ASB18: variants seen among roughly 807,000 people sequenced by gnomAD.
ASB18 encodes the protein ankyrin repeat and SOCS box containing 18, also known as ankyrin repeat and SOCS box protein 18.
A neutral mutation model predicts 33.4 loss-of-function variants in ASB18; 33 were observed. That is an observed-to-expected ratio of 0.99 (90% CI 0.75 to 1.32). The LOEUF (loss-of-function observed/expected upper bound fraction) is 1.32, where lower values mean the gene tolerates loss of function less well. ASB18 is among the 40% of genes most tolerant of loss of function. ASB18 has a pLI of 0.00. For synonymous variants in ASB18, 295 were observed against 307.6 expected, an observed-to-expected ratio of 0.96 and a Z score of 0.43; for missense variants, 694 against 655.5, an observed-to-expected ratio of 1.06 and a Z score of -0.64.
rs2060732344 is a variant in ASB18 at position 236,263,938 on chromosome 2, G to T, written c.205+203C>A. On this transcript the variant is annotated intron_variant, in intron 1 of 5. Transcript: ENST00000409749. This position sits in a 1 kb window ranked among gnomAD's most constrained non-coding sequence, Gnocchi z 4.0. ...GTGGTAGGATTAGTTTTTTTGTGTTGTGTTGCACTTGTTGCTTATGTCGCA... is the reference window on the plus strand; with the variant it reads ...GTGGTAGGATTAGTTTTTTTGTGTTTTGTTGCACTTGTTGCTTATGTCGCA... Among the ~76,000 whole-genome samples the T allele has an allele frequency of 1.3e-5, 2 of 152,164 alleles. No individual in the cohort carries two copies. Among genetic ancestry groups the T allele is most frequent in the African/African-American group, 4.8e-5 (2 of 41,420 alleles).
In ASB18 at chr2:236,237,559, G is replaced by T. The variant is rs2060600315; in HGVS notation, c.596+130C>A. On this transcript the variant is annotated intron_variant, in intron 3 of 5. Coordinates refer to ENST00000409749, the MANE Select transcript of ASB18 (RefSeq NM_212556.4). This position sits in a 1 kb window ranked among gnomAD's most constrained non-coding sequence, Gnocchi z 6.2. ...TGGGGATCCAGTGGGCAGAGTCAAG[G>T]GTGCAGGGTCTGGGTCCGGAGGCGG... is the stretch of plus-strand genomic sequence containing the variant. The T allele has an allele frequency of 2.9e-6, 2 of 686,266 alleles. No homozygotes were observed. The highest frequency in any genetic ancestry group is 4.2e-6 in the Non-Finnish European group (2 of 470,630). The allele number at this position is 686,266 out of a possible 1,614,324, so 42.5% of individuals were successfully genotyped here.
At chr2:236,240,686 C>G (rs1467157179) in intron 2 of ASB18, among the ~76,000 whole-genome samples, 3 of 152,168 alleles carry the variant, frequency 2.0e-5, no homozygotes, top group Non-Finnish European at 2.9e-5. Context: ...GCTTGTCCGC[C>G]CAGCGCACAG....
chr2:236,195,247 A>C lies in ASB18; in HGVS notation c.1216-190T>G, dbSNP rs758168685. 1.3e-5 allele frequency among the ~76,000 whole-genome samples: 2 copies of C among 152,204 alleles called. No homozygotes were observed. The highest frequency in any genetic ancestry group is 2.9e-5 in the Non-Finnish European group (2 of 68,036). ...CCCAGGGGCTTGTGTGCTCTCCCAA[A>C]GCACAGTTCCTGCCGAGTGAGAGGG... On this transcript the variant is annotated intron_variant, in intron 5 of 5. Coordinates refer to ENST00000409749, the MANE Select transcript of ASB18 (RefSeq NM_212556.4). The surrounding 1 kb of genome is among the most constrained non-coding windows in gnomAD (Gnocchi z 5.5).
In ASB18 at chr2:236,221,476, A is replaced by G. The variant is rs2060513018; in HGVS notation, c.597-6610T>C. On this transcript the variant is annotated intron_variant, in intron 3 of 5. Transcript: ENST00000409749. The surrounding 1 kb of genome is among the most constrained non-coding windows in gnomAD (Gnocchi z 5.6). ...GAATCATGGGGGTGGTTTCCTTCAT[A>G]CTGTTCTCTTGGTAGTGAATAAGTC... is the stretch of plus-strand genomic sequence containing the variant. 6.6e-6 allele frequency among the ~76,000 whole-genome samples: 1 copy of G among 152,054 alleles called. No homozygotes were observed. Among genetic ancestry groups the G allele is most frequent in the African/African-American group, 2.4e-5 (1 of 41,398 alleles).
chr2:236,242,289 T>C (rs2060624594), intron 1 of ASB18, among the ~76,000 whole-genome samples: 1 of 152,134 alleles, frequency 6.6e-6, no homozygotes, highest in African/African-American at 2.4e-5. Context: ...GGGCCAGCAC[T>C]GTCAGGAGCC....
chr2:236,211,253 C>T lies in ASB18; in HGVS notation c.1101+3109G>A, dbSNP rs1000718488. 5.9e-5 allele frequency among the ~76,000 whole-genome samples: 9 copies of T among 152,220 alleles called. No homozygotes were observed. Among genetic ancestry groups the T allele is most frequent in the Admixed American group, 2.0e-4 (3 of 15,286 alleles). ...ACCTGCCAGAATCCACAGCCTGCCC[C>T]CTATGCCTGCCCTCGGTGCCCTGTC... On this transcript the variant is annotated intron_variant, in intron 4 of 5. Transcript: ENST00000409749. The surrounding 1 kb of genome is among the most constrained non-coding windows in gnomAD (Gnocchi z 5.0).
intron 3 of ASB18, among the ~76,000 whole-genome samples, chr2:236,236,729 ACATCCAGGCAACTTTG>A (rs1294460324): frequency 2.6e-5 from 4 of 152,256 alleles, no homozygotes; most frequent in Admixed American, 1.3e-4. Flanking sequence ...GCTGGGCAGG[ACATCCAGGCAACTTTG>A]ACAGTCGGTG....
At position 236,214,565 on chromosome 2, in the gene ASB18, C is replaced by T. The variant is rs760008402; in HGVS notation, c.898G>A (p.Ala300Thr). ...DEDERSPLHK[A>T]CGHASHSLAR... is the part of the protein sequence containing the mutation. ...AGGCTGTGGCTCGCGTGGCCGCAGGCTTTGTGCAGCGGGCTGCGCTCGTCC... is the reference window on the plus strand; with the variant it reads ...AGGCTGTGGCTCGCGTGGCCGCAGGTTTTGTGCAGCGGGCTGCGCTCGTCC... The change falls in exon 4 of 6, where the codon GCC becomes ACC. Residue 300 changes from alanine to threonine, a missense_variant. Ala to Thr is a moderately conservative substitution (Grantham distance 58). Transcript: ENST00000409749. The surrounding 1 kb of genome is among the most constrained non-coding windows in gnomAD (Gnocchi z 6.5). The T allele has an allele frequency of 1.4e-6, 2 of 1,383,144 alleles. No homozygotes were observed. The highest frequency in any genetic ancestry group is 3.3e-5 in the South Asian group (2 of 61,116). The allele number at this position is 1,383,144 out of a possible 1,614,324, so 85.7% of individuals were successfully genotyped here. A position where few individuals can be genotyped will look rare whatever the true frequency, so the allele number is the denominator to read the frequency against.
rs201561266 is a variant in ASB18 at position 236,262,883 on chromosome 2, A to AGG, written c.205+1256_205+1257dup. Reference sequence around the variant, plus strand: ...CAGCCCAGAAAGTAGACCCAAACCAAGGGGGGGGGGCGGACCCCCTCGGAA... The same window carrying AGG: ...CAGCCCAGAAAGTAGACCCAAACCAAGGGGGGGGGGGGCGGACCCCCTCGGAA... On this transcript the variant is annotated intron_variant, in intron 1 of 5. Transcript: ENST00000409749. This position sits in a 1 kb window ranked among gnomAD's most constrained non-coding sequence, Gnocchi z 5.2. Among the ~76,000 whole-genome samples the AGG allele has an allele frequency of 1.1e-4, 5 of 46,956 alleles. No individual in the cohort carries two copies. The highest frequency in any genetic ancestry group is 2.9e-4 in the African/African-American group (4 of 13,788). 30.8% of individuals were successfully genotyped at this position (46,956 alleles called of 152,430 possible). A position where few individuals can be genotyped will look rare whatever the true frequency, so the allele number is the denominator to read the frequency against.
At position 236,203,073 on chromosome 2, in the gene ASB18, G is replaced by T. The variant is rs1205482853; in HGVS notation, c.1102-6688C>A. ...TGTCCCTGTTATAGCTGGGTTGTATGCTCACCACCTGTCCTTTAAGCCATC... is the reference window on the plus strand; with the variant it reads ...TGTCCCTGTTATAGCTGGGTTGTATTCTCACCACCTGTCCTTTAAGCCATC... On this transcript the variant is annotated intron_variant, in intron 4 of 5. Coordinates refer to ENST00000409749, the MANE Select transcript of ASB18 (RefSeq NM_212556.4). This position sits in a 1 kb window ranked among gnomAD's most constrained non-coding sequence, Gnocchi z 6.0. 6.6e-6 allele frequency among the ~76,000 whole-genome samples: 1 copy of T among 152,078 alleles called. No individual in the cohort carries two copies. The highest frequency in any genetic ancestry group is 2.4e-5 in the African/African-American group (1 of 41,392).
In ASB18 at chr2:236,214,397, C is replaced by A; in HGVS notation, c.1066G>T (p.Gly356Cys). Residue 356 changes from glycine to cysteine, a missense_variant, in exon 4 of 6, where the codon GGC (glycine) becomes TGC (cysteine). Physicochemically the swap from Gly to Cys is radical, Grantham distance 159. Coordinates refer to ENST00000409749, the MANE Select transcript of ASB18 (RefSeq NM_212556.4). This position sits in a 1 kb window ranked among gnomAD's most constrained non-coding sequence, Gnocchi z 6.5. Reference sequence around the variant, plus strand: ...GCGTCGGGCCACACGGTGGGAGAGCCGTGGTTGAGCAGCGCCTGCACCGTG... The same window carrying A: ...GCGTCGGGCCACACGGTGGGAGAGCAGTGGTTGAGCAGCGCCTGCACCGTG... ...QRTVQALLNH[G>C]SPTVWPDAFP... 1 of 1,575,788 alleles carries A rather than the reference C, an allele frequency of 6.3e-7. No individual in the cohort carries two copies. The highest frequency in any genetic ancestry group is 8.6e-7 in the Non-Finnish European group (1 of 1,166,382).
Position 236,237,626 on chromosome 2 carries a change from G to A in ASB18, c.596+63C>T, listed in dbSNP as rs944848953. 3.1e-6 allele frequency: 4 copies of A among 1,291,972 alleles called. No homozygotes were observed. The African/African-American group carries it at 6.3e-5, about 20-fold the overall frequency. 80.0% of individuals were successfully genotyped at this position (1,291,972 alleles called of 1,614,324 possible). ...GGAGGCGGGGTCGGCGGTCTCGTGGGGGGAGGCGGGCGTCTGGTCTCGGGG... is the reference window on the plus strand; with the variant it reads ...GGAGGCGGGGTCGGCGGTCTCGTGGAGGGAGGCGGGCGTCTGGTCTCGGGG... On this transcript the variant is annotated intron_variant, in intron 3 of 5. Transcript: ENST00000409749. This position sits in a 1 kb window ranked among gnomAD's most constrained non-coding sequence, Gnocchi z 6.2.
In ASB18 at chr2:236,225,536, A is replaced by G. The variant is rs1482396452; in HGVS notation, c.597-10670T>C. The stretch of plus-strand genomic sequence containing the variant: ...CACTTTTGTTTAAATCGAGACAGCT[A>G]TAGACAAGAAAAAGAATAGGGCGTC... On this transcript the variant is annotated intron_variant, in intron 3 of 5. Transcript: ENST00000409749. This position sits in a 1 kb window ranked among gnomAD's most constrained non-coding sequence, Gnocchi z 5.1. 6.6e-6 allele frequency among the ~76,000 whole-genome samples: 1 copy of G among 152,216 alleles called. No individual in the cohort carries two copies. Among genetic ancestry groups the G allele is most frequent in the African/African-American group, 2.4e-5 (1 of 41,452 alleles).
At position 236,225,005 on chromosome 2, in the gene ASB18, C is replaced by T. The variant is rs534874964; in HGVS notation, c.597-10139G>A. Among the ~76,000 whole-genome samples, 108 of 152,336 alleles carry T rather than the reference C, an allele frequency of 7.1e-4. No homozygotes were observed. The highest frequency in any genetic ancestry group is 1.3e-3 in the Non-Finnish European group (91 of 68,030). On this transcript the variant is annotated intron_variant, in intron 3 of 5. Transcript: ENST00000409749. The surrounding 1 kb of genome is among the most constrained non-coding windows in gnomAD (Gnocchi z 5.1). The stretch of plus-strand genomic sequence containing the variant: ...TGGATTATGTATCAATGCCTGTGAG[C>T]CTGGCATCTCAGGCAGGTGAACTTC...
At position 236,220,436 on chromosome 2, in the gene ASB18, C is replaced by G. The variant is rs2060505527; in HGVS notation, c.597-5570G>C. On this transcript the variant is annotated intron_variant, in intron 3 of 5. Transcript: ENST00000409749. The surrounding 1 kb of genome is among the most constrained non-coding windows in gnomAD (Gnocchi z 5.1). ...TCTCAGCCAGAGCCTGTCCAGGCTTCCACTCTCTCGTCTCCCCTGCCTCCT... is the reference window on the plus strand; with the variant it reads ...TCTCAGCCAGAGCCTGTCCAGGCTTGCACTCTCTCGTCTCCCCTGCCTCCT... 6.6e-6 allele frequency among the ~76,000 whole-genome samples: 1 copy of G among 152,206 alleles called. No individual in the cohort carries two copies. Among genetic ancestry groups the G allele is most frequent in the African/African-American group, 2.4e-5 (1 of 41,448 alleles).
intron 4 of ASB18, among the ~76,000 whole-genome samples, chr2:236,198,110 C>T (rs1465249992): frequency 6.6e-6 from 1 of 152,162 alleles, no homozygotes; most frequent in Non-Finnish European, 1.5e-5. Flanking sequence ...ATGGAGGCTG[C>T]TCACTTCACA....
At chr2:236,201,721 T>C (rs1450600770) in intron 4 of ASB18, among the ~76,000 whole-genome samples, 6 of 151,876 alleles carry the variant, frequency 4.0e-5, no homozygotes, top group Non-Finnish European at 5.9e-5. Context: ...TGGTCTGTGA[T>C]AGATATGAAT....
rs567192204 is a variant in ASB18 at position 236,241,511 on chromosome 2, G to C, written c.206-109C>G. The C allele has an allele frequency of 1.8e-5, 24 of 1,348,770 alleles. No individual in the cohort carries two copies. The South Asian group carries it at 2.9e-4, about 17-fold the overall frequency. 83.6% of individuals were successfully genotyped at this position (1,348,770 alleles called of 1,614,324 possible). A position where few individuals can be genotyped will look rare whatever the true frequency, so the allele number is the denominator to read the frequency against. On this transcript the variant is annotated intron_variant, in intron 1 of 5. Transcript: ENST00000409749. The surrounding 1 kb of genome is among the most constrained non-coding windows in gnomAD (Gnocchi z 4.2). ...AGTTTTCCTCTCACTGGCCCTGGCTGTCTCTCCATTGAGATGCCGTCGATT... is the reference window on the plus strand; with the variant it reads ...AGTTTTCCTCTCACTGGCCCTGGCTCTCTCTCCATTGAGATGCCGTCGATT...
At position 236,205,633 on chromosome 2, in the gene ASB18, T is replaced by C. The variant is rs1382968969; in HGVS notation, c.1101+8729A>G. On this transcript the variant is annotated intron_variant, in intron 4 of 5. Transcript: ENST00000409749. The surrounding 1 kb of genome is among the most constrained non-coding windows in gnomAD (Gnocchi z 5.4). ...TCACTTATCCTATGTGCCTAGTATA[T>C]TGCTGGGACATGACTGGTGCTCAGC... Among the ~76,000 whole-genome samples the C allele has an allele frequency of 3.9e-5, 6 of 152,252 alleles. No homozygotes were observed. The highest frequency in any genetic ancestry group is 8.8e-5 in the Non-Finnish European group (6 of 68,036).
Sources: allele counts gnomAD v4.1 joint callset (sites outside exome capture counted in the v4.1 genomes callset), GRCh38; gene constraint gnomAD v4.1.1; non-coding constraint Gnocchi (gnomAD v3.1); transcripts MANE v1.5; gene names NCBI Gene and HGNC (gene_info 2026-07-23, HGNC 2026-07-21).